YWHAQ: variants seen among roughly 807,000 people sequenced by gnomAD.
YWHAQ encodes 14-3-3 protein theta.
YWHAQ carries 6 observed loss-of-function variants against 28.3 expected under a neutral mutation model. That is an observed-to-expected ratio of 0.21 (90% CI 0.12 to 0.42). The LOEUF (loss-of-function observed/expected upper bound fraction) is 0.42, where lower values mean the gene tolerates loss of function less well. YWHAQ is among the 10% of genes least tolerant of loss of function. The pLI is 1.00. For synonymous variants in YWHAQ, 143 were observed against 119.1 expected (o/e 1.20, Z -1.31); for missense variants, 201 against 305.6 (o/e 0.66, Z 2.55).
intron 2 of YWHAQ, among the ~76,000 whole-genome samples, chr2:9,602,903 A>ATATATATATATAT (rs1666744884): frequency 2.7e-5 from 3 of 111,172 alleles, no homozygotes; most frequent in Non-Finnish European, 3.5e-5. Flanking sequence ...ATATATATAT[A>ATATATATATATAT]GTAGGGACAC....
intron 2 of YWHAQ, among the ~76,000 whole-genome samples, chr2:9,623,808 TAA>T (rs765844953): frequency 6.6e-6 from 1 of 151,684 alleles, no homozygotes; most frequent in Non-Finnish European, 1.5e-5. Flanking sequence ...AAATTAAATT[TAA>T]AAAGTCTGAA....
At chr2:9,604,301 G>A (rs1666774840) in intron 2 of YWHAQ, among the ~76,000 whole-genome samples, 1 of 152,146 alleles carries the variant, frequency 6.6e-6, no homozygotes, top group Admixed American at 6.6e-5. Flanking sequence ...AGGTTTATCT[G>A]CACTAAGATG....
chr2:9,602,845 A>AT (rs1666728538), intron 2 of YWHAQ, among the ~76,000 whole-genome samples: 4 of 31,062 alleles, frequency 1.3e-4, no homozygotes, highest in South Asian at 1.6e-3. Context: ...AAAAAAAAAA[A>AT]AAAAAAAAAA....
Position 9,588,304 on chromosome 2 carries a change from G to A in YWHAQ, c.443C>T (p.Ala148Val). 2 of 1,608,154 alleles carry A rather than the reference G, an allele frequency of 1.2e-6. No homozygotes were observed. The highest frequency in any genetic ancestry group is 1.1e-5 in the South Asian group (1 of 89,640). Residue 148 changes from alanine to valine, a missense_variant, in exon 4 of 6, where the codon GCT (alanine) becomes GTT (valine). Around this residue, in one of 2 missense-constraint regions of YWHAQ, gnomAD observed 162 missense variants for 213.9 expected, o/e 0.76. Coordinates refer to ENST00000238081, the MANE Select transcript of YWHAQ (RefSeq NM_006826.4). The part of the protein sequence containing the change: ...RKQTIDNSQG[A>V]YQEAFDISKK... The stretch of plus-strand genomic sequence containing the variant: ...GCTTATATCAAATGCCTCTTGGTAA[G>A]CTCCTTGGGAATTATCTATCGTTTC...
chr2:9,599,717 A>C (rs1666650502), intron 2 of YWHAQ, among the ~76,000 whole-genome samples: 1 of 152,328 alleles, frequency 6.6e-6, no homozygotes, highest in African/African-American at 2.4e-5. Context: ...CTCATTGACA[A>C]TGCAGCACCT....
chr2:9,629,144 A>G (rs1558553288), intron 2 of YWHAQ, among the ~76,000 whole-genome samples: 1 of 152,138 alleles, frequency 6.6e-6, no homozygotes. Context: ...ATGCTTGTCT[A>G]TCAAAGCCCA....
At chr2:9,621,875 T>C (rs1032372583) in intron 2 of YWHAQ, among the ~76,000 whole-genome samples, 3 of 152,220 alleles carry the variant, frequency 2.0e-5, no homozygotes, top group African/African-American at 2.4e-5. Context: ...GATGAGTTCA[T>C]GTCCTTTGCA....
Position 9,585,206 on chromosome 2 carries a change from T to C in YWHAQ, c.*80A>G. On this transcript the variant is annotated 3_prime_UTR_variant, in exon 6 of 6. Transcript: ENST00000238081. ...TACACATGAATGGGTTTCTTTGCTA[T>C]AGGAAATCCAAGTGGAATAAGGAAT... is the stretch of plus-strand genomic sequence containing the variant. 4.0e-6 allele frequency: 6 copies of C among 1,510,202 alleles called. No homozygotes were observed. Among genetic ancestry groups the C allele is most frequent in the East Asian group, 2.3e-5 (1 of 44,288 alleles). The allele number at this position is 1,510,202 out of a possible 1,614,324, so 93.6% of individuals were successfully genotyped here. A position where few individuals can be genotyped will look rare whatever the true frequency, so the allele number is the denominator to read the frequency against.
rs748667930 is a variant in YWHAQ, at chr2:9,630,109, GA to G, written c.294+49del. On this transcript the variant is annotated intron_variant, in intron 2 of 5. Transcript: ENST00000238081. This position sits in a 1 kb window ranked among gnomAD's most constrained non-coding sequence, Gnocchi z 5.6. ...TTTCCGTGCCCGCGAAACTCTCAAT[GA>G]AAAGCATCTCACAAAAGGCCTCCCC... 6.4e-7 allele frequency: 1 copy of G among 1,568,374 alleles called. No homozygotes were observed. The highest frequency in any genetic ancestry group is 2.3e-5 in the East Asian group (1 of 44,312).
intron 2 of YWHAQ, among the ~76,000 whole-genome samples, chr2:9,600,477 G>A (rs1023968454): frequency 7.9e-5 from 12 of 152,042 alleles, no homozygotes; most frequent in African/African-American, 2.7e-4. Flanking sequence ...AGGCCCAAGC[G>A]GGCAGATCAC....
At chr2:9,608,320 TAAGTGA>T (rs968701822) in intron 2 of YWHAQ, among the ~76,000 whole-genome samples, 51 of 152,154 alleles carry the variant, frequency 3.4e-4, no homozygotes, top group African/African-American at 1.1e-3. Context: ...GCTACAGCAA[TAAGTGA>T]AAGTTTACAA....
At chr2:9,594,222 T>C (rs1666522617) in intron 2 of YWHAQ, among the ~76,000 whole-genome samples, 1 of 152,108 alleles carries the variant, frequency 6.6e-6, no homozygotes, top group Non-Finnish European at 1.5e-5. Flanking sequence ...ACAAATCAGT[T>C]TTTCAGAATT....
chr2:9,617,881 C>G (rs557111078), intron 2 of YWHAQ, among the ~76,000 whole-genome samples: 3 of 151,244 alleles, frequency 2.0e-5, no homozygotes, highest in African/African-American at 7.3e-5. Flanking sequence ...GAGTCATGAC[C>G]GTGCCATTGT....
At chr2:9,599,186 G>A (rs1666638164) in intron 2 of YWHAQ, among the ~76,000 whole-genome samples, 1 of 152,212 alleles carries the variant, frequency 6.6e-6, no homozygotes, top group East Asian at 1.9e-4. Flanking sequence ...TGAAGGCTGA[G>A]AGAAGTAAGG....
intron 2 of YWHAQ, among the ~76,000 whole-genome samples, chr2:9,599,098 T>A (rs59314800): frequency 6.6e-6 from 1 of 152,186 alleles, no homozygotes; most frequent in Non-Finnish European, 1.5e-5. Context: ...GTGGTCTGAA[T>A]AGAAGCTGAG....
At chr2:9,585,419 A>C (rs1231125111) in intron 5 of YWHAQ, 74 bp from the exon 6 acceptor site, 1 of 1,515,344 alleles carries the variant, frequency 6.6e-7, no homozygotes, top group Non-Finnish European at 9.1e-7. Context: ...TGTTATATCA[A>C]AATTAACTAC....
rs1572985065 is a variant in YWHAQ, at chr2:9,588,031, GAA to G, written c.582+132_582+133del. 3.5e-6 allele frequency: 4 copies of G among 1,134,104 alleles called. No individual in the cohort carries two copies. In the African/African-American group the frequency reaches 4.9e-5, roughly 14 times the overall value. 70.3% of individuals were successfully genotyped at this position (1,134,104 alleles called of 1,614,324 possible). On this transcript the variant is annotated intron_variant, in intron 4 of 5. Transcript: ENST00000238081. ...TAGGAGTAGGTAATCATGATGGGAA[GAA>G]AAAGAGGAGATTTCAAAATAAATAT...
chr2:9,602,853 A>T (rs1666733807), intron 2 of YWHAQ, among the ~76,000 whole-genome samples: 2 of 15,590 alleles, frequency 1.3e-4, no homozygotes, highest in African/African-American at 5.8e-4. Context: ...AAAAAAAAAA[A>T]AAAAAAAAAA....
At chr2:9,602,919 T>C (rs1397886875) in intron 2 of YWHAQ, among the ~76,000 whole-genome samples, 1 of 122,426 alleles carries the variant, frequency 8.2e-6, no homozygotes, top group Non-Finnish European at 1.6e-5. Context: ...GACACAGTCT[T>C]GCTATGTTGC....
Sources: gnomAD v4.1 joint callset for allele counts (sites outside exome capture counted in the v4.1 genomes callset) on GRCh38, gnomAD v4.1.1 for gene constraint, gnomAD v4.1.1 regional missense constraint, Gnocchi (gnomAD v3.1) non-coding constraint, MANE v1.5 for transcripts, NCBI Gene and HGNC (gene_info 2026-07-23, HGNC 2026-07-21) for gene names.